RSRC1: variants seen among roughly 807,000 people sequenced by gnomAD.
The protein encoded by RSRC1 is serine/Arginine-related protein 53.
RSRC1 carries 39 observed loss-of-function variants against 49.1 expected under a neutral mutation model. The ratio of observed to expected loss-of-function variants is 0.79; its 90% CI spans 0.61 to 1.04. RSRC1 has a LOEUF of 1.04. Among genes scored for constraint, RSRC1 ranks in the 50% least tolerant of loss-of-function variants. The pLI, the probability that RSRC1 is intolerant of heterozygous loss-of-function variation, is 0.00. For missense variants in RSRC1, 388 were observed against 402.4 expected (o/e 0.96, Z 0.31); for synonymous variants, 143 against 130.8 (o/e 1.09, Z -0.63).
chr3:158,506,675 G>C (rs1739874636), intron 7 of RSRC1, among the ~76,000 whole-genome samples: 1 of 151,480 alleles, frequency 6.6e-6, no homozygotes, highest in Non-Finnish European at 1.5e-5. Flanking sequence ...AAAAATTAGT[G>C]GTTGCTGGCA....
At chr3:158,471,392 C>T (rs1738128399) in intron 7 of RSRC1, among the ~76,000 whole-genome samples, 1 of 152,100 alleles carries the variant, frequency 6.6e-6, no homozygotes, top group Non-Finnish European at 1.5e-5. Flanking sequence ...GCCCTTATCA[C>T]AGAGCCTAGT....
In RSRC1 at chr3:158,320,797, G is replaced by A. The variant is rs1017039716; in HGVS notation, c.531+22722G>A. 6.6e-5 allele frequency among the ~76,000 whole-genome samples: 10 copies of A among 152,054 alleles called. No homozygotes were observed. The East Asian group carries it at 7.7e-4, about 12-fold the overall frequency. On this transcript the variant is annotated intron_variant, in intron 5 of 9. Transcript: ENST00000611884. The stretch of plus-strand genomic sequence containing the variant: ...TGTTCTCCTTATTCTAGCCCTTCCC[G>A]TCACCCAGATCTATCCCTCTGAATA...
At chr3:158,514,617 T>C (rs1273795898) in intron 7 of RSRC1, among the ~76,000 whole-genome samples, 2 of 152,174 alleles carry the variant, frequency 1.3e-5, no homozygotes, top group Non-Finnish European at 2.9e-5. Context: ...GAGAGTTCTG[T>C]AGATGTCTAT....
chr3:158,536,098 A>G (rs775184790), intron 7 of RSRC1, among the ~76,000 whole-genome samples: 16 of 151,522 alleles, frequency 1.1e-4, no homozygotes, highest in South Asian at 6.2e-4. Flanking sequence ...CTTGTCCCCA[A>G]TGATCAATCT....
At chr3:158,250,729 C>T (rs1016923961) in intron 4 of RSRC1, among the ~76,000 whole-genome samples, 2 of 152,104 alleles carry the variant, frequency 1.3e-5, no homozygotes, top group African/African-American at 4.8e-5. Flanking sequence ...TCCCTTGTCA[C>T]ATGGATAGTT....
chr3:158,152,992 A>G (rs771587795), intron 3 of RSRC1, among the ~76,000 whole-genome samples: 2 of 152,208 alleles, frequency 1.3e-5, no homozygotes, highest in African/African-American at 2.4e-5. Flanking sequence ...AGTGGGCACT[A>G]TATGTATCTA....
At chr3:158,131,634 A>G (rs1716033485) in intron 3 of RSRC1, among the ~76,000 whole-genome samples, 1 of 151,876 alleles carries the variant, frequency 6.6e-6, no homozygotes, top group African/African-American at 2.4e-5. Context: ...TTGCATGAAT[A>G]TTTTTTCTTT....
At chr3:158,253,394 T>A (rs1383306735) in intron 4 of RSRC1, among the ~76,000 whole-genome samples, 6 of 152,182 alleles carry the variant, frequency 3.9e-5, no homozygotes, top group Admixed American at 6.5e-5. Flanking sequence ...ATTCCTCTTC[T>A]TTTTGATTTT....
At chr3:158,514,250 A>G (rs1374481595) in intron 7 of RSRC1, among the ~76,000 whole-genome samples, 1 of 152,078 alleles carries the variant, frequency 6.6e-6, no homozygotes, top group Non-Finnish European at 1.5e-5. Context: ...TCTTGTGGGC[A>G]TTTAGTGCTG....
intron 6 of RSRC1, among the ~76,000 whole-genome samples, chr3:158,421,015 T>G (rs974910806): frequency 1.3e-5 from 2 of 152,070 alleles, no homozygotes; most frequent in South Asian, 2.1e-4. Context: ...AGGCCAAATA[T>G]TCATTCGTTT....
chr3:158,380,241 T>C (rs1204282999), intron 6 of RSRC1, among the ~76,000 whole-genome samples: 2 of 152,192 alleles, frequency 1.3e-5, no homozygotes, highest in African/African-American at 2.4e-5. Flanking sequence ...AAATGTAAAA[T>C]AGCTGCTTTT....
chr3:158,362,854 A>G (rs1731552490), intron 6 of RSRC1, among the ~76,000 whole-genome samples: 1 of 152,222 alleles, frequency 6.6e-6, no homozygotes, highest in Admixed American at 6.5e-5. Context: ...TCCAAAAGAT[A>G]TTTTTTATCA....
chr3:158,239,580 G>T (rs1723448304), intron 4 of RSRC1, among the ~76,000 whole-genome samples: 1 of 151,852 alleles, frequency 6.6e-6, no homozygotes, highest in Non-Finnish European at 1.5e-5. Flanking sequence ...GTCATGGGGT[G>T]GGGGGCTGGG....
At chr3:158,254,512 A>G (rs1004926835) in intron 4 of RSRC1, among the ~76,000 whole-genome samples, 2 of 151,512 alleles carry the variant, frequency 1.3e-5, no homozygotes, top group African/African-American at 4.9e-5. Flanking sequence ...GTGCACTGCA[A>G]GCCCTGCCTC....
intron 3 of RSRC1, among the ~76,000 whole-genome samples, chr3:158,190,697 A>G (rs970387594): frequency 2.0e-5 from 3 of 146,550 alleles, no homozygotes; most frequent in African/African-American, 7.6e-5. Context: ...TCTCTATTTC[A>G]TGGTTTTTAG....
chr3:158,241,536 CTA>C (rs563435877), intron 4 of RSRC1, among the ~76,000 whole-genome samples: 19 of 150,972 alleles, frequency 1.3e-4, no homozygotes, highest in Non-Finnish European at 2.2e-4. Context: ...CAAGTGTAGA[CTA>C]TTTTTTTTTT....
At chr3:158,364,524 C>G (rs143319766) in intron 6 of RSRC1, among the ~76,000 whole-genome samples, 99 of 152,176 alleles carry the variant, frequency 6.5e-4, no homozygotes, top group Admixed American at 1.4e-3. Flanking sequence ...TTTTTATTTA[C>G]TGTCCTGTAG....
rs78650696 is a variant in RSRC1 at position 158,266,400 on chromosome 3, A to G, written c.495-31639A>G. On this transcript the variant is annotated intron_variant, in intron 4 of 9. Transcript: ENST00000611884. ...TGTTATATATTTTGAGCTTATGTAG[A>G]TGTTTTATTGTTGATGAATTATAAT... is the stretch of plus-strand genomic sequence containing the variant. Among the ~76,000 whole-genome samples, 1,142 of 152,176 alleles carry G rather than the reference A, an allele frequency of 7.5e-3. 7 individuals carry two copies. The highest frequency in any genetic ancestry group is 0.026 in the African/African-American group (1,086 of 41,522).
chr3:158,409,207 GA>G (rs759698518), intron 6 of RSRC1, among the ~76,000 whole-genome samples: 16 of 152,000 alleles, frequency 1.1e-4, no homozygotes, highest in Non-Finnish European at 2.1e-4. Context: ...GGTGGATGGT[GA>G]AATAATCTAT....
Sources: allele counts gnomAD v4.1 joint callset (sites outside exome capture counted in the v4.1 genomes callset), GRCh38; gene constraint gnomAD v4.1.1; transcripts MANE v1.5; gene names NCBI Gene and HGNC (gene_info 2026-07-23, HGNC 2026-07-21).